Variants in PHF23 observed in about 807,000 individuals in gnomAD.
The protein encoded by PHF23 is PDH-containing protein JUNE-1.
In PHF23, 3 loss-of-function variants were observed where a neutral mutation model predicts 36.0. That is an observed-to-expected ratio of 0.08 (90% confidence interval 0.04 to 0.22). The LOEUF (loss-of-function observed/expected upper bound fraction) is 0.22. Ranked by LOEUF, PHF23 falls within the 10% of genes least tolerant of loss-of-function variation. The pLI is 1.00. For missense variants in PHF23, 475 were observed against 513.6 expected (o/e 0.92, Z 0.73); for synonymous variants, 242 against 192.5 (o/e 1.26, Z -2.13).
Position 7,235,195 on chromosome 17 carries a change from C to T in PHF23, c.*431G>A, listed in dbSNP as rs1597559377. On this transcript the variant is annotated 3_prime_UTR_variant, in exon 5 of 5. Coordinates refer to ENST00000320316, the MANE Select transcript of PHF23 (RefSeq NM_024297.3). ...TACTCCACCTTTGAGCTGCCATGCCCAATAGGGGAAGTCCAAAATTAAAAA... is the reference window on the plus strand; with the variant it reads ...TACTCCACCTTTGAGCTGCCATGCCTAATAGGGGAAGTCCAAAATTAAAAA... The T allele has an allele frequency of 4.4e-6, 1 of 228,730 alleles. No individual in the cohort carries two copies. 14.2% of individuals were successfully genotyped at this position (228,730 alleles called of 1,614,324 possible).
chr17:7,236,477 G>A lies in PHF23; in HGVS notation c.450C>T (p.Ser150=), dbSNP rs1382775527. The change falls in exon 4 of 5, where the codon TCC becomes TCT. Residue 150 remains serine, a synonymous_variant. Coordinates refer to ENST00000320316, the MANE Select transcript of PHF23 (RefSeq NM_024297.3). This position sits in a 1 kb window ranked among gnomAD's most constrained non-coding sequence, Gnocchi z 5.1. ...LDGPKVASPL[S]PTSLTHTSRP... ...GGGAGGTATGTGTCAGGGATGTGGG[G>A]GACAAAGGAGATGCCACTTTGGGCC... 4 of 1,613,914 alleles carry A rather than the reference G, an allele frequency of 2.5e-6. No individual in the cohort carries two copies. In the South Asian group the frequency reaches 4.4e-5, roughly 18 times the overall value.
chr17:7,239,587 A>C, upstream of PHF23: 1 of 281,248 alleles, frequency 3.6e-6, no homozygotes. Context: ...GCAGTGCACC[A>C]AGGGTTTTGT....
upstream of PHF23, chr17:7,239,617 G>GA (rs1313579255): frequency 5.3e-6 from 1 of 190,320 alleles, no homozygotes; most frequent in Non-Finnish European, 1.1e-5. Context: ...GGGAACAGCG[G>GA]AAAAGGGACC....
chr17:7,238,554 T>G, intron 1 of PHF23: 1 of 1,006,680 alleles, frequency 9.9e-7, no homozygotes, highest in African/African-American at 2.4e-5. Context: ...CTGCCGCCGA[T>G]GCCCCCCTCA....
chr17:7,238,946 T>G, intron 1 of PHF23: 2 of 1,499,688 alleles, frequency 1.3e-6, no homozygotes, highest in Non-Finnish European at 1.8e-6. Context: ...CCCCTAACCT[T>G]CCAGTTCCAG....
upstream of PHF23, chr17:7,239,807 A>T (rs767216210): frequency 6.6e-6 from 1 of 152,616 alleles, no homozygotes; most frequent in East Asian, 1.9e-4. Context: ...GGAAGAAGGG[A>T]TTAGAACTCT....
At chr17:7,238,504 A>G (rs955281806) in intron 1 of PHF23, 52 of 726,770 alleles carry the variant, frequency 7.2e-5, no homozygotes, top group Non-Finnish European at 8.3e-5. Context: ...CTTCCCCCCA[A>G]CCAGCCACTC....
Position 7,239,062 on chromosome 17 carries a change from C to T in PHF23, c.34+184G>A, listed in dbSNP as rs1196022031. On this transcript the variant is annotated intron_variant, in intron 1 of 4. Coordinates refer to ENST00000320316, the MANE Select transcript of PHF23 (RefSeq NM_024297.3). ...ACCGTCTGATCTCCAACTACCCCAG[C>T]CCAGTTTCCCACTCCTCTTTCTCCA... is the stretch of plus-strand genomic sequence containing the variant. 5 of 1,249,702 alleles carry T rather than the reference C, an allele frequency of 4.0e-6. No homozygotes were observed. In the Admixed American group the frequency reaches 1.1e-4, roughly 27 times the overall value. 77.4% of individuals were successfully genotyped at this position (1,249,702 alleles called of 1,614,324 possible). A position where few individuals can be genotyped will look rare whatever the true frequency, so the allele number is the denominator to read the frequency against.
chr17:7,238,801 C>G (rs753459728), intron 1 of PHF23: 1 of 1,534,422 alleles, frequency 6.5e-7, no homozygotes, highest in Non-Finnish European at 8.7e-7. Context: ...CGACAATCAC[C>G]GGGCATTCTC....
chr17:7,235,654 C>A lies in PHF23; in HGVS notation c.1184G>T (p.Gly395Val), dbSNP rs926550737. Residue 395 changes from glycine to valine, a missense_variant, in exon 5 of 5, where the codon GGG (glycine) becomes GTG (valine). Transcript: ENST00000320316. ...KELRPEARRL[G>V]GPPKSGEP The stretch of plus-strand genomic sequence containing the variant: ...GGGCTCTCCAGATTTGGGAGGCCCC[C>A]CTAACCGCCGGGCCTCTGGCCTCAG... The A allele has an allele frequency of 1.1e-5, 17 of 1,613,990 alleles. No individual in the cohort carries two copies. Among genetic ancestry groups the A allele is most frequent in the Non-Finnish European group, 1.4e-5 (17 of 1,180,030 alleles).
At chr17:7,239,586 C>G (rs1028997979), upstream of PHF23, 1 of 307,636 alleles carries the variant, frequency 3.3e-6, no homozygotes, top group African/African-American at 2.2e-5. Flanking sequence ...CGCAGTGCAC[C>G]AAGGGTTTTG....
rs1280837833 is a variant in PHF23, at chr17:7,235,038, A to G, written c.*588T>C. The G allele has an allele frequency of 6.1e-6, 1 of 162,884 alleles. No individual in the cohort carries two copies. Among genetic ancestry groups the G allele is most frequent in the Non-Finnish European group, 1.4e-5 (1 of 73,568 alleles). The allele number at this position is 162,884 out of a possible 1,614,324, so 10.1% of individuals were successfully genotyped here. On this transcript the variant is annotated 3_prime_UTR_variant, in exon 5 of 5. Transcript: ENST00000320316. ...CAGGACAGTGAGGGCTATAAACACAAAAGAGCCCACTCTGCTTTATTTACA... is the reference window on the plus strand; with the variant it reads ...CAGGACAGTGAGGGCTATAAACACAGAAGAGCCCACTCTGCTTTATTTACA...
Position 7,236,341 on chromosome 17 carries a change from A to T in PHF23, c.586T>A (p.Phe196Ile), listed in dbSNP as rs1456763566. The change falls in exon 4 of 5, where the codon TTT becomes ATT. Residue 196 changes from phenylalanine to isoleucine, a missense_variant. This residue lies in a region of PHF23 where 350 missense variants were observed against 319.8 expected (regional missense o/e 1.09). Transcript: ENST00000320316. This position sits in a 1 kb window ranked among gnomAD's most constrained non-coding sequence, Gnocchi z 5.1. ...RKLGPGAGAGFGVLRRPRPTP... is the reference protein window; with the variant it reads ...RKLGPGAGAGIGVLRRPRPTP... ...GGCCGAGGCCTCCGAAGCACCCCAA[A>T]GCCAGCCCCAGCTCCTGGCCCCAAC... 6.2e-7 allele frequency: 1 copy of T among 1,614,116 alleles called. No homozygotes were observed. The highest frequency in any genetic ancestry group is 1.7e-5 in the Admixed American group (1 of 60,012).
upstream of PHF23, chr17:7,239,515 TCCA>T (rs781031582): frequency 0.036 from 11,632 of 321,516 alleles, 23 homozygotes; most frequent in South Asian, 0.055. Context: ...CTCCTCCTCC[TCCA>T]CCTCCTCTCT....
chr17:7,237,915 C>G (rs2071707255), intron 1 of PHF23: 7 of 537,256 alleles, frequency 1.3e-5, no homozygotes, highest in Non-Finnish European at 2.3e-5. Flanking sequence ...CCCCGCCCCC[C>G]CAACTCACGG....
At chr17:7,237,341 G>T in intron 3 of PHF23, 44 bp downstream of exon 3, 1 of 1,492,818 alleles carries the variant, frequency 6.7e-7, no homozygotes, top group Non-Finnish European at 9.3e-7. Context: ...TCACTCTATA[G>T]TCCCACCACA....
rs774614310 is a variant in PHF23 at position 7,236,286 on chromosome 17, C to T, written c.641G>A (p.Arg214Gln). The change falls in exon 4 of 5, where the codon CGA becomes CAA. Residue 214 changes from arginine to glutamine, a missense_variant. Physicochemically the swap from Arg to Gln is conservative, Grantham distance 43. Around this residue, in one of 5 missense-constraint regions of PHF23, gnomAD observed 350 missense variants for 319.8 expected, o/e 1.09. Coordinates refer to ENST00000320316, the MANE Select transcript of PHF23 (RefSeq NM_024297.3). This position sits in a 1 kb window ranked among gnomAD's most constrained non-coding sequence, Gnocchi z 5.1. Reference sequence around the variant, plus strand: ...CTTCCGCTTCTTGCTCTTCTTGATTCGAGATCTCTTTTCCCCATCCCCAGG... The same window carrying T: ...CTTCCGCTTCTTGCTCTTCTTGATTTGAGATCTCTTTTCCCCATCCCCAGG... ...PTPGDGEKRS[R>Q]IKKSKKRKLK... 2 of 1,613,702 alleles carry T rather than the reference C, an allele frequency of 1.2e-6. No individual in the cohort carries two copies. Among genetic ancestry groups the T allele is most frequent in the East Asian group, 2.2e-5 (1 of 44,886 alleles).
At position 7,235,909 on chromosome 17, in the gene PHF23, G is replaced by A. The variant is rs76223062; in HGVS notation, c.997+21C>T. On this transcript the variant is annotated intron_variant, in intron 4 of 4. Transcript: ENST00000320316. ...GATCCACAACACCCTCAAACCCCTC[G>A]CCCCAGCCCGAACCTCTCACCTGAT... is the stretch of plus-strand genomic sequence containing the variant. 4,306 of 1,611,520 alleles carry A rather than the reference G, an allele frequency of 2.7e-3. 91 individuals carry two copies. In the African/African-American group the frequency reaches 0.049, roughly 18 times the overall value.
rs755724586 is a variant in PHF23, at chr17:7,237,653, A to C, written c.42T>G (p.Pro14=). 3.7e-6 allele frequency: 6 copies of C among 1,613,908 alleles called. No individual in the cohort carries two copies. In the South Asian group the frequency reaches 6.6e-5, roughly 18 times the overall value. ...AMAEPSPEDP[P]PTLKPETQPP... is the part of the protein sequence containing the mutation. ...CCTGAGTCTCTGGCTTAAGGGTCGG[A>C]GGTGGATCTGGAAAAGCAATAAAAG... The change falls in exon 2 of 5, where the codon CCT becomes CCG. Residue 14 remains proline, a synonymous_variant. Transcript: ENST00000320316.
Sources: allele counts gnomAD v4.1 joint callset, GRCh38; gene constraint gnomAD v4.1.1; regional missense constraint gnomAD v4.1.1; non-coding constraint Gnocchi (gnomAD v3.1); transcripts MANE v1.5; gene names NCBI Gene and HGNC (gene_info 2026-07-23, HGNC 2026-07-21).